MYO15B: variants seen among roughly 807,000 people sequenced by gnomAD.
The protein encoded by MYO15B is myosin XVB pseudogene.
A neutral mutation model predicts 119.3 loss-of-function variants in MYO15B; 207 were observed. The observed-to-expected ratio is 1.73, with a 90% CI of 1.55 to 1.95. The LOEUF (loss-of-function observed/expected upper bound fraction) is 1.95, where lower values mean the gene tolerates loss of function less well. MYO15B is among the 30% of genes most tolerant of loss of function. The pLI is 0.00. For synonymous variants in MYO15B, 966 were observed against 498.9 expected, an observed-to-expected ratio of 1.94 and a Z score of -12.48; for missense variants, 2,264 against 1,203.1, an observed-to-expected ratio of 1.88 and a Z score of -13.04.
chr17:75,597,057 G>A (rs1196397002), intron 14 of MYO15B, among the ~76,000 whole-genome samples, 158 bp downstream of exon 14: 2 of 152,192 alleles, frequency 1.3e-5, no homozygotes, highest in South Asian at 2.1e-4. Context: ...CAGCAGCAGC[G>A]AAGGGGAAGA....
rs562279974 is a variant in MYO15B at position 75,623,888 on chromosome 17, T to G, written c.8156+34T>G. On this transcript the variant is annotated intron_variant, in intron 54 of 63. Coordinates refer to ENST00000645453, the Ensembl canonical transcript of MYO15B. ...GGACCGGTGGCTTCTGGGGGTGGCT[T>G]CTGGGGGCAGCTGGGCACTGTGGCC... 6.8e-4 allele frequency: 477 copies of G among 701,704 alleles called. 11 individuals are homozygous for G. Among genetic ancestry groups the G allele is most frequent in the South Asian group, 5.6e-3 (378 of 67,538 alleles). 43.5% of individuals were successfully genotyped at this position (701,704 alleles called of 1,614,324 possible).
intron 60 of MYO15B, 89 bp downstream of exon 60, chr17:75,625,327 C>G (rs2058976102): frequency 3.1e-6 from 2 of 642,998 alleles, no homozygotes; most frequent in Non-Finnish European, 5.7e-6. Context: ...CCTAAATGGA[C>G]TGGCCAGGAG....
intron 14 of MYO15B, among the ~76,000 whole-genome samples, chr17:75,599,654 C>T (rs2057113426): frequency 6.6e-6 from 1 of 151,686 alleles, no homozygotes. Flanking sequence ...TCTCTGTAAT[C>T]CCAGAACTTT....
chr17:75,621,014 G>C lies in MYO15B; in HGVS notation c.7726-17G>C. The C allele has an allele frequency of 1.4e-6, 1 of 702,910 alleles. No homozygotes were observed. The highest frequency in any genetic ancestry group is 2.7e-5 in the East Asian group (1 of 37,290). The allele number at this position is 702,910 out of a possible 1,614,324, so 43.5% of individuals were successfully genotyped here. A position where few individuals can be genotyped will look rare whatever the true frequency, so the allele number is the denominator to read the frequency against. ...GCACTGGACACTCAGGTGGCACCAG[G>C]TTTCTTGTGATCCCAGCGCCCTGCC... On this transcript the variant is annotated splice_polypyrimidine_tract_variant and intron_variant, in intron 49 of 63. Coordinates refer to ENST00000645453, the Ensembl canonical transcript of MYO15B.
At chr17:75,599,491 G>A (rs1461825577) in intron 14 of MYO15B, among the ~76,000 whole-genome samples, 2 of 151,220 alleles carry the variant, frequency 1.3e-5, no homozygotes, top group Non-Finnish European at 2.9e-5. Context: ...GTTTCACCAT[G>A]TTAGCCAGGA....
chr17:75,598,306 C>T (rs1243130411), intron 14 of MYO15B, among the ~76,000 whole-genome samples: 3 of 151,186 alleles, frequency 2.0e-5, no homozygotes, highest in Admixed American at 1.3e-4. Context: ...GGGCCAGGCG[C>T]GGTGGCTCAC....
chr17:75,606,067 G>T (rs758596036), intron 21 of MYO15B, 46 bp downstream of exon 21: 4 of 638,652 alleles, frequency 6.3e-6, no homozygotes, highest in African/African-American at 5.4e-5. Flanking sequence ...GGGTGAGGCC[G>T]TGGGTTCGTC....
chr17:75,597,638 G>A lies in MYO15B; in HGVS notation c.3525+739G>A, dbSNP rs2056954650. Among the ~76,000 whole-genome samples the A allele has an allele frequency of 2.0e-5, 3 of 152,240 alleles. 1 individual carries two copies. Among genetic ancestry groups the A allele is most frequent in the Admixed American group, 1.3e-4 (2 of 15,280 alleles). ...GAGAAATGTTCATTTAAAAAAACAG[G>A]CCTTGGCCAAGCTCAGTGGCTCACG... On this transcript the variant is annotated intron_variant, in intron 14 of 63. Coordinates refer to ENST00000645453, the Ensembl canonical transcript of MYO15B.
At chr17:75,613,714 A>G (rs1329284287) in exon 29 of MYO15B, 1 of 701,494 alleles carries the variant, frequency 1.4e-6, no homozygotes, top group Non-Finnish European at 2.6e-6. Context: ...GAGGAGTGCT[A>G]CTCGGCCGAG....
At chr17:75,610,208 C>T in exon 22 of MYO15B, 1 of 701,882 alleles carries the variant, frequency 1.4e-6, no homozygotes, top group Admixed American at 2.0e-5. Flanking sequence ...GACAGCTGAA[C>T]ACCATCCTGC....
chr17:75,609,575 G>C (rs1030673545), intron 21 of MYO15B, among the ~76,000 whole-genome samples: 1 of 141,748 alleles, frequency 7.1e-6, no homozygotes, highest in East Asian at 2.1e-4. Context: ...CAGAGAGTCA[G>C]ATCTTAATCC....
chr17:75,619,194 C>A (rs554189609), exon 44 of MYO15B: 1 of 702,816 alleles, frequency 1.4e-6, no homozygotes, highest in South Asian at 1.5e-5. Context: ...CCAGAATGAG[C>A]GGCGGAAAAT....
At chr17:75,603,406 C>G in intron 19 of MYO15B, 94 bp downstream of exon 19, 1 of 656,344 alleles carries the variant, frequency 1.5e-6, no homozygotes, top group Non-Finnish European at 2.8e-6. Flanking sequence ...TGGACTCACT[C>G]TGCCCAGGAC....
chr17:75,626,088 A>G (rs1370174672), exon 63 of MYO15B: 1 of 702,776 alleles, frequency 1.4e-6, no homozygotes, highest in African/African-American at 1.7e-5. Flanking sequence ...CTGCCCCCAG[A>G]GCCTGTACTG....
intron 33 of MYO15B, 85 bp downstream of exon 33, chr17:75,615,127 A>C (rs1238642843): frequency 8.8e-6 from 6 of 678,854 alleles, no homozygotes; most frequent in African/African-American, 8.8e-5. Flanking sequence ...GGCAGTGGCG[A>C]TCGATGCCCT....
In MYO15B at chr17:75,589,215, G is replaced by A; in HGVS notation, c.1158G>A (p.Leu386=). ...GCTGGCTGCGGCGGCGGCTGCGGCT[G>A]CGGCGGCGGCCGCCAGAGGGCGAGG... is the stretch of plus-strand genomic sequence containing the variant. The change falls in exon 1 of 64, where the codon CTG becomes CTA. Residue 386 remains leucine, a synonymous_variant. Coordinates refer to ENST00000645453, the Ensembl canonical transcript of MYO15B. This position sits in a 1 kb window ranked among gnomAD's most constrained non-coding sequence, Gnocchi z 4.2. 2 of 399,604 alleles carry A rather than the reference G, an allele frequency of 5.0e-6. No individual in the cohort carries two copies. Among genetic ancestry groups the A allele is most frequent in the Non-Finnish European group, 4.4e-6 (1 of 227,610 alleles). The allele number at this position is 399,604 out of a possible 1,614,324, so 24.8% of individuals were successfully genotyped here.
At chr17:75,618,546 G>A (rs972959732) in intron 43 of MYO15B, among the ~76,000 whole-genome samples, 16 of 152,236 alleles carry the variant, frequency 1.1e-4, no homozygotes, top group Non-Finnish European at 2.4e-4. Context: ...CTACTTGGGA[G>A]GCTGAGGCAG....
intron 10 of MYO15B, 49 bp downstream of exon 10, chr17:75,594,637 G>GGCTGAGTAAGCA (rs2056730422): frequency 1.4e-6 from 1 of 698,170 alleles, no homozygotes. Context: ...CTGACCCACA[G>GGCTGAGTAAGCA]GCTGAGTAAG....
intron 34 of MYO15B, 81 bp downstream of exon 34, chr17:75,615,419 C>A: frequency 2.9e-6 from 2 of 679,066 alleles, no homozygotes; most frequent in South Asian, 1.6e-5. Flanking sequence ...GAGGGTCCTG[C>A]TAGGAGTCCC....
Sources: allele counts gnomAD v4.1 joint callset (sites outside exome capture counted in the v4.1 genomes callset), GRCh38; gene constraint gnomAD v4.1.1; non-coding constraint Gnocchi (gnomAD v3.1); transcripts MANE v1.5; gene names NCBI Gene and HGNC (gene_info 2026-07-23, HGNC 2026-07-21).